NUP98: variants seen among roughly 807,000 people sequenced by gnomAD.
The protein encoded by NUP98 is nucleoporin 98 and 96 precursor.
In NUP98, 26 loss-of-function variants were observed where a neutral mutation model predicts 191.9. The ratio of observed to expected loss-of-function variants is 0.14; its 90% CI spans 0.10 to 0.19. The LOEUF (loss-of-function observed/expected upper bound fraction) is 0.19. NUP98 is among the 10% of genes least tolerant of loss of function. The pLI is 1.00. For missense variants in NUP98, 1,941 were observed against 2,178.8 expected (o/e 0.89, Z 2.17); for synonymous variants, 808 against 778.4 (o/e 1.04, Z -0.63).
chr11:3,789,338 G>A (rs1182343330), intron 1 of NUP98, among the ~76,000 whole-genome samples: 3 of 152,042 alleles, frequency 2.0e-5, no homozygotes, highest in African/African-American at 7.2e-5. Flanking sequence ...TGATCACTCA[G>A]CACAAGCATA....
chr11:3,757,753 C>T (rs1371993177), intron 10 of NUP98, among the ~76,000 whole-genome samples: 6 of 151,948 alleles, frequency 3.9e-5, no homozygotes, highest in Admixed American at 1.3e-4. Context: ...GAGCTGAAAT[C>T]GCGCCACTGT....
At chr11:3,777,397 T>A (rs1348259130) in intron 4 of NUP98, among the ~76,000 whole-genome samples, 1 of 151,852 alleles carries the variant, frequency 6.6e-6, no homozygotes, top group African/African-American at 2.4e-5. Context: ...CCAAGGCGGG[T>A]GGATCACAAG....
chr11:3,729,967 C>A (rs1373266604), intron 14 of NUP98, among the ~76,000 whole-genome samples: 1 of 152,064 alleles, frequency 6.6e-6, no homozygotes, highest in Non-Finnish European at 1.5e-5. Context: ...CAAGGCGGGG[C>A]ACAGTGGCTC....
intron 8 of NUP98, among the ~76,000 whole-genome samples, chr11:3,765,033 C>T (rs2081292023): frequency 6.6e-6 from 1 of 152,100 alleles, no homozygotes; most frequent in Non-Finnish European, 1.5e-5. Context: ...ATCCTTGGCC[C>T]TTTTTAAATG....
chr11:3,682,101 G>A (rs1035364272), intron 30 of NUP98, among the ~76,000 whole-genome samples: 4 of 152,146 alleles, frequency 2.6e-5, no homozygotes, highest in Admixed American at 1.3e-4. Context: ...AGCTTCAAAC[G>A]TTTCTTCTGT....
rs569495181 is a variant in NUP98 at position 3,791,985 on chromosome 11, C to T, written c.-29+5415G>A. ...ACGAGGTCAGGAGATCGAGACCTTC[C>T]TGGCTAACACGGTGAAACCCCATCT... On this transcript the variant is annotated intron_variant, in intron 1 of 32. Transcript: ENST00000324932. Among the ~76,000 whole-genome samples the T allele has an allele frequency of 4.0e-5, 6 of 151,554 alleles. No individual in the cohort carries two copies. In the East Asian group the frequency reaches 1.2e-3, roughly 30 times the overall value.
chr11:3,688,248 T>C (rs1372667839), intron 28 of NUP98, among the ~76,000 whole-genome samples: 2 of 151,836 alleles, frequency 1.3e-5, no homozygotes, highest in East Asian at 1.9e-4. Context: ...ACCCCGTCTC[T>C]ACTAAAAATT....
intron 14 of NUP98, among the ~76,000 whole-genome samples, chr11:3,728,701 T>C (rs1280973239): frequency 6.6e-6 from 1 of 152,054 alleles, no homozygotes; most frequent in Non-Finnish European, 1.5e-5. Flanking sequence ...ATGGGGCCAC[T>C]GCACTCCAGC....
At chr11:3,737,775 G>A (rs1004174457) in intron 12 of NUP98, among the ~76,000 whole-genome samples, 3 of 152,096 alleles carry the variant, frequency 2.0e-5, no homozygotes, top group African/African-American at 4.8e-5. Flanking sequence ...GGACAAGTTT[G>A]CTCAGGATCT....
intron 4 of NUP98, 103 bp from the exon 5 acceptor site, chr11:3,776,124 T>C: frequency 3.4e-6 from 2 of 585,620 alleles, no homozygotes; most frequent in South Asian, 2.8e-5. Context: ...GTACTTCATT[T>C]TTTTTTTTTT....
rs2079469596 is a variant in NUP98 at position 3,723,168 on chromosome 11, A to G, written c.2135T>C (p.Met712Thr). Residue 712 changes from methionine to threonine, a missense_variant, in exon 16 of 33, where the codon ATG becomes ACG. Around this residue, in one of 6 missense-constraint regions of NUP98, gnomAD observed 453 missense variants for 438.2 expected, o/e 1.03. Transcript: ENST00000324932. ...REEIENNSYH[M>T]HPAGIILTKV... ...AATCTGAACCTGACCTGCTGGGTGC[A>G]TATGGTAAGAATTATTTTCTATTTC... The G allele has an allele frequency of 6.2e-7, 1 of 1,613,976 alleles. No individual in the cohort carries two copies. The highest frequency in any genetic ancestry group is 8.5e-7 in the Non-Finnish European group (1 of 1,179,952).
chr11:3,717,898 G>A (rs1024442166), intron 18 of NUP98, among the ~76,000 whole-genome samples: 8 of 152,260 alleles, frequency 5.3e-5, no homozygotes, highest in African/African-American at 1.7e-4. Context: ...ACTTTTGTAT[G>A]TTAAGCCATC....
intron 1 of NUP98, among the ~76,000 whole-genome samples, chr11:3,791,661 G>A (rs1035411029): frequency 6.6e-6 from 1 of 150,808 alleles, no homozygotes; most frequent in Non-Finnish European, 1.5e-5. Flanking sequence ...TGACCAACAT[G>A]ATGAAACCCT....
At chr11:3,757,110 T>C (rs1193093700) in intron 10 of NUP98, among the ~76,000 whole-genome samples, 1 of 133,766 alleles carries the variant, frequency 7.5e-6, no homozygotes, top group Admixed American at 7.7e-5. Context: ...TATATATATA[T>C]CTATATATCT....
At chr11:3,770,496 A>T (rs942794130) in intron 7 of NUP98, among the ~76,000 whole-genome samples, 34 of 151,884 alleles carry the variant, frequency 2.2e-4, no homozygotes, top group African/African-American at 8.2e-4. Context: ...CAAGAAAAGA[A>T]AAGAAAAGAA....
At position 3,778,931 on chromosome 11, in the gene NUP98, G is replaced by A. The variant is rs1189844263; in HGVS notation, c.297C>T (p.Thr99=). ...NTLFGTASTG[T]SLFSSQNNAF... The stretch of plus-strand genomic sequence containing the variant: ...CATTGTTTTGGGATGAGAAGAGACT[G>A]GTCCCTGTGCTTGCAGTTCCAAACA... The change falls in exon 4 of 33, where the codon ACC becomes ACT. Residue 99 remains threonine, a synonymous_variant. Transcript: ENST00000324932. 31 of 1,614,070 alleles carry A rather than the reference G, an allele frequency of 1.9e-5. No homozygotes were observed. Among genetic ancestry groups the A allele is most frequent in the Non-Finnish European group, 2.5e-5 (30 of 1,180,052 alleles).
chr11:3,695,258 A>G (rs2078463990), intron 26 of NUP98, among the ~76,000 whole-genome samples, 191 bp downstream of exon 26: 1 of 152,234 alleles, frequency 6.6e-6, no homozygotes, highest in Non-Finnish European at 1.5e-5. Context: ...ACATTTTAAC[A>G]TTTTAATTTC....
At chr11:3,755,789 C>T (rs1460884743) in intron 10 of NUP98, among the ~76,000 whole-genome samples, 1 of 152,088 alleles carries the variant, frequency 6.6e-6, no homozygotes, top group Non-Finnish European at 1.5e-5. Context: ...ATGGTGAAAC[C>T]CCATATCTAC....
Position 3,763,054 on chromosome 11 carries a change from A to T in NUP98, c.949-15T>A. 1 of 1,611,728 alleles carries T rather than the reference A, an allele frequency of 6.2e-7. No individual in the cohort carries two copies. Among genetic ancestry groups the T allele is most frequent in the Non-Finnish European group, 8.5e-7 (1 of 1,179,104 alleles). ...CCAAATAATCCCTGCAAAGAAGTTT[A>T]TATAGATTAAAAGATATCCTGTAAT... On this transcript the variant is annotated splice_polypyrimidine_tract_variant and intron_variant, in intron 8 of 32. Coordinates refer to ENST00000324932, the MANE Select transcript of NUP98 (RefSeq NM_016320.5).
Sources: allele counts gnomAD v4.1 joint callset (sites outside exome capture counted in the v4.1 genomes callset), GRCh38; gene constraint gnomAD v4.1.1; regional missense constraint gnomAD v4.1.1; transcripts MANE v1.5; gene names NCBI Gene and HGNC (gene_info 2026-07-23, HGNC 2026-07-21).